NPAS2: variants seen among roughly 807,000 people sequenced by gnomAD.
NPAS2 encodes neuronal PAS domain-containing protein 2.
A neutral mutation model predicts 107.5 loss-of-function variants in NPAS2; 23 were observed. The observed-to-expected ratio is 0.21, with a 90% CI of 0.15 to 0.30. The LOEUF (loss-of-function observed/expected upper bound fraction) is 0.30. Among genes scored for constraint, NPAS2 ranks in the 10% least tolerant of loss-of-function variants. The pLI is 1.00. For missense variants in NPAS2, 756 were observed against 1,043.3 expected (o/e 0.72, Z 3.79); for synonymous variants, 403 against 417.5 (o/e 0.97, Z 0.42).
At chr2:100,935,409 G>T (rs1480828602) in intron 4 of NPAS2, among the ~76,000 whole-genome samples, 1 of 152,194 alleles carries the variant, frequency 6.6e-6, no homozygotes, top group African/African-American at 2.4e-5. Context: ...AAACACCCCA[G>T]TCAAAATCAC....
At chr2:100,824,438 T>G (rs1273150423) in intron 1 of NPAS2, among the ~76,000 whole-genome samples, 2 of 152,206 alleles carry the variant, frequency 1.3e-5, no homozygotes, top group Non-Finnish European at 2.9e-5. Context: ...CTAGTGGCAA[T>G]CAAGCGCTCT....
At chr2:100,867,404 C>T (rs576212573) in intron 1 of NPAS2, among the ~76,000 whole-genome samples, 96 of 152,108 alleles carry the variant, frequency 6.3e-4, no homozygotes, top group Non-Finnish European at 1.1e-3. Flanking sequence ...TAAGTTGAAA[C>T]TTTTATCTTT....
intron 1 of NPAS2, among the ~76,000 whole-genome samples, chr2:100,873,057 C>T (rs1679674902): frequency 1.3e-5 from 2 of 151,650 alleles, no homozygotes; most frequent in South Asian, 4.2e-4. Flanking sequence ...AACCCTAGCA[C>T]TTTGGGAGGC....
In NPAS2 at chr2:100,848,813, G is replaced by A. The variant is rs369285852; in HGVS notation, c.-23+28399G>A. 2.1e-4 allele frequency among the ~76,000 whole-genome samples: 32 copies of A among 152,312 alleles called. 1 individual carries two copies. In the East Asian group the frequency reaches 3.1e-3, roughly 15 times the overall value. On this transcript the variant is annotated intron_variant, in intron 1 of 20. Coordinates refer to ENST00000335681, the MANE Select transcript of NPAS2 (RefSeq NM_002518.4). ...TTATGTCCAATAAGACTCTCTCTACGTAATTTTAGGCTGTACACTGGTTAA... is the reference window on the plus strand; with the variant it reads ...TTATGTCCAATAAGACTCTCTCTACATAATTTTAGGCTGTACACTGGTTAA...
At chr2:100,916,637 A>G (rs1682895841) in intron 2 of NPAS2, among the ~76,000 whole-genome samples, 1 of 152,196 alleles carries the variant, frequency 6.6e-6, no homozygotes, top group African/African-American at 2.4e-5. Context: ...AGTCTTTAAC[A>G]TGCTCCTCTT....
At chr2:100,881,547 G>A (rs1280260224) in intron 1 of NPAS2, among the ~76,000 whole-genome samples, 3 of 152,172 alleles carry the variant, frequency 2.0e-5, no homozygotes, top group Admixed American at 1.3e-4. Context: ...TTAGTCAGGC[G>A]TGGTGGCAGG....
intron 12 of NPAS2, among the ~76,000 whole-genome samples, chr2:100,974,330 C>G (rs761128243): frequency 1.8e-4 from 27 of 152,196 alleles, no homozygotes; most frequent in Non-Finnish European, 3.7e-4. Flanking sequence ...CTCCCCGGTT[C>G]TCCACTCCAG....
In NPAS2 at chr2:100,938,939, T is replaced by C. The variant is rs558243104; in HGVS notation, c.363+1097T>C. Among the ~76,000 whole-genome samples the C allele has an allele frequency of 2.0e-5, 3 of 152,280 alleles. No individual in the cohort carries two copies. The South Asian group carries it at 6.2e-4, about 32-fold the overall frequency. ...ATGGATAGGTGGCCAGTTTATGTGA[T>C]GAAAAGAGGAAGGCTTGCCCTGGAT... is the stretch of plus-strand genomic sequence containing the variant. On this transcript the variant is annotated intron_variant, in intron 5 of 20. Coordinates refer to ENST00000335681, the MANE Select transcript of NPAS2 (RefSeq NM_002518.4).
chr2:100,982,284 G>C lies in NPAS2; in HGVS notation c.1536G>C (p.Arg512=). ...FQTIKDQLEQ[R]TRILQANIRW... ...CCATCAAAGACCAGCTAGAGCAGCG[G>C]ACGCGGATCCTGCAGGCCAATATCC... Residue 512 remains arginine, a synonymous_variant, in exon 16 of 21, where the codon CGG becomes CGC. Coordinates refer to ENST00000335681, the MANE Select transcript of NPAS2 (RefSeq NM_002518.4). The C allele has an allele frequency of 6.2e-7, 1 of 1,614,216 alleles. No individual in the cohort carries two copies. Among genetic ancestry groups the C allele is most frequent in the Non-Finnish European group, 8.5e-7 (1 of 1,180,032 alleles).
chr2:100,964,166 A>T lies in NPAS2; in HGVS notation c.707A>T (p.Gln236Leu), dbSNP rs1676078310. 1 of 1,609,230 alleles carries T rather than the reference A, an allele frequency of 6.2e-7. No homozygotes were observed. The highest frequency in any genetic ancestry group is 8.5e-7 in the Non-Finnish European group (1 of 1,175,604). ...GCCACCGTTCGTCTGGCAACACCAC[A>T]ATTCTTAAAGGCAAGTACCTGAGAG... ...FIATVRLATP[Q>L]FLKEMCIVDE... Residue 236 changes from glutamine to leucine, a missense_variant, in exon 8 of 21, where the codon CAA (glutamine) becomes CTA (leucine). Physicochemically the swap from Gln to Leu is moderately radical, Grantham distance 113 (BLOSUM62 -2). Transcript: ENST00000335681.
intron 2 of NPAS2, among the ~76,000 whole-genome samples, chr2:100,907,489 A>AACACACACAT (rs1553453448): frequency 1.0e-4 from 15 of 144,782 alleles, no homozygotes; most frequent in African/African-American, 3.9e-4. Flanking sequence ...AACACTTGGG[A>AACACACACAT]ACACACACAC....
intron 13 of NPAS2, 54 bp from the exon 14 acceptor site, chr2:100,975,404 T>G: frequency 3.4e-6 from 5 of 1,483,042 alleles, no homozygotes; most frequent in Non-Finnish European, 4.6e-6. Flanking sequence ...CCTCTTCGGA[T>G]GAGTACATGC....
intron 1 of NPAS2, among the ~76,000 whole-genome samples, chr2:100,877,425 A>ACTGCACT: frequency 9.0e-5 from 12 of 132,932 alleles, no homozygotes; most frequent in African/African-American, 3.5e-4. Flanking sequence ...AGATCGCGCC[A>ACTGCACT]CTAGAGTGAG....
intron 1 of NPAS2, among the ~76,000 whole-genome samples, chr2:100,874,148 C>T (rs1275916538): frequency 1.3e-5 from 2 of 151,810 alleles, no homozygotes; most frequent in Admixed American, 1.3e-4. Context: ...CCACACCTGG[C>T]TAATTTTTTT....
chr2:100,849,453 G>T (rs891174458), intron 1 of NPAS2, among the ~76,000 whole-genome samples: 1 of 152,124 alleles, frequency 6.6e-6, no homozygotes, highest in African/African-American at 2.4e-5. Flanking sequence ...CAGTGTTTGC[G>T]CAGTTGGTTT....
intron 2 of NPAS2, among the ~76,000 whole-genome samples, chr2:100,911,733 G>GTGATT (rs1406861665): frequency 1.3e-5 from 2 of 152,138 alleles, no homozygotes; most frequent in African/African-American, 2.4e-5. Context: ...CCGGGTTCAA[G>GTGATT]CCATCCTCCT....
At chr2:100,984,713 T>C (rs1481055528) in intron 16 of NPAS2, 1 of 152,214 alleles carries the variant, frequency 6.6e-6, no homozygotes, top group Non-Finnish European at 1.5e-5. Flanking sequence ...TTCTACTTTA[T>C]TGTTGATAAA....
chr2:100,970,135 G>A (rs1225171299), intron 11 of NPAS2, among the ~76,000 whole-genome samples: 1 of 152,174 alleles, frequency 6.6e-6, no homozygotes, highest in Non-Finnish European at 1.5e-5. Flanking sequence ...CACTGGGCGT[G>A]CAGCAGCAGT....
At chr2:100,987,933 C>A in intron 16 of NPAS2, 146 bp from the exon 17 acceptor site, 1 of 841,658 alleles carries the variant, frequency 1.2e-6, no homozygotes, top group Non-Finnish European at 1.9e-6. Context: ...ATCACAGGTG[C>A]TCCATGTCCA....
Sources: gnomAD v4.1 joint callset for allele counts (sites outside exome capture counted in the v4.1 genomes callset) on GRCh38, gnomAD v4.1.1 for gene constraint, MANE v1.5 for transcripts, NCBI Gene and HGNC (gene_info 2026-07-23, HGNC 2026-07-21) for gene names.